Variants in MAPK10 observed in about 807,000 individuals in gnomAD.
MAPK10 encodes JNK3 alpha protein kinase.
A neutral mutation model predicts 59.3 loss-of-function variants in MAPK10; 25 were observed. That is an observed-to-expected ratio of 0.42 (90% CI 0.31 to 0.59). MAPK10 has a LOEUF of 0.59. Among genes scored for constraint, MAPK10 ranks in the 20% least tolerant of loss-of-function variants. The probability of loss-of-function intolerance (pLI) is 0.15; values close to 1 mark genes in which losing one functional copy is unlikely to be tolerated. For synonymous variants in MAPK10, 190 were observed against 200.5 expected, an observed-to-expected ratio of 0.95 and a Z score of 0.44; for missense variants, 351 against 568.9, an observed-to-expected ratio of 0.62 and a Z score of 3.90.
intron 1 of MAPK10, among the ~76,000 whole-genome samples, chr4:86,471,109 A>C (rs555214392): frequency 6.6e-6 from 1 of 152,028 alleles, no homozygotes; most frequent in Non-Finnish European, 1.5e-5. Context: ...TCTCTACTAA[A>C]AACACAAAAA....
intron 3 of MAPK10, among the ~76,000 whole-genome samples, chr4:86,161,739 C>A (rs2069763417): frequency 6.6e-6 from 1 of 152,058 alleles, no homozygotes; most frequent in African/African-American, 2.4e-5. Flanking sequence ...TTACTTATTC[C>A]CTTCACTTTG....
chr4:86,289,028 A>G (rs2095130639), intron 2 of MAPK10, among the ~76,000 whole-genome samples: 1 of 152,228 alleles, frequency 6.6e-6, no homozygotes, highest in Admixed American at 6.6e-5. Context: ...GAAGGCTATC[A>G]AGAAAGATGA....
chr4:86,106,867 A>C (rs1011123634), intron 5 of MAPK10: 1 of 154,140 alleles, frequency 6.5e-6, no homozygotes, highest in African/African-American at 2.4e-5. Flanking sequence ...TAAATTATAA[A>C]GAAATGTAGC....
chr4:86,097,309 C>G (rs1418028583), intron 9 of MAPK10, among the ~76,000 whole-genome samples: 1 of 151,916 alleles, frequency 6.6e-6, no homozygotes, highest in African/African-American at 2.4e-5. Flanking sequence ...TAGAGACTAT[C>G]TCATTAATAT....
chr4:86,443,325 A>G (rs1393866569), intron 1 of MAPK10, among the ~76,000 whole-genome samples: 2 of 152,110 alleles, frequency 1.3e-5, no homozygotes, highest in Non-Finnish European at 2.9e-5. Context: ...TCTACTTAAC[A>G]AGGCCTGCCC....
chr4:86,372,630 A>T (rs1320790029), intron 1 of MAPK10, among the ~76,000 whole-genome samples: 1 of 152,160 alleles, frequency 6.6e-6, no homozygotes, highest in African/African-American at 2.4e-5. Context: ...TCACAACTAC[A>T]TGGAAACTGA....
intron 1 of MAPK10, among the ~76,000 whole-genome samples, chr4:86,522,529 T>C (rs1029925055): frequency 1.3e-5 from 2 of 152,180 alleles, no homozygotes; most frequent in Non-Finnish European, 2.9e-5. Flanking sequence ...TCTATCCCGC[T>C]TCATAACCAG....
chr4:86,031,446 C>T lies in MAPK10; in HGVS notation c.1111-15G>A. The T allele has an allele frequency of 3.2e-6, 5 of 1,585,142 alleles. No individual in the cohort carries two copies. The highest frequency in any genetic ancestry group is 4.3e-6 in the Non-Finnish European group (5 of 1,154,916). On this transcript the variant is annotated splice_polypyrimidine_tract_variant and intron_variant, in intron 11 of 13. Transcript: ENST00000641462. ...TGAGGTGGAGGCTGCCGAATAAAAACAAAAAATAATCTTTGTGTGATAATG... is the reference window on the plus strand; with the variant it reads ...TGAGGTGGAGGCTGCCGAATAAAAATAAAAAATAATCTTTGTGTGATAATG...
chr4:86,083,435 C>A (rs2051096693), intron 9 of MAPK10, among the ~76,000 whole-genome samples: 1 of 152,048 alleles, frequency 6.6e-6, no homozygotes, highest in Non-Finnish European at 1.5e-5. Flanking sequence ...CTTGTTATAG[C>A]AGAAAGTAAA....
chr4:86,236,386 CTAACTG>C, intron 2 of MAPK10, among the ~76,000 whole-genome samples: 1 of 152,208 alleles, frequency 6.6e-6, no homozygotes, highest in Middle Eastern at 3.4e-3. Flanking sequence ...TAGATGTTAG[CTAACTG>C]GACAAGAGAC....
chr4:86,294,938 C>T (rs965329487), intron 2 of MAPK10, among the ~76,000 whole-genome samples: 1 of 152,118 alleles, frequency 6.6e-6, no homozygotes, highest in Non-Finnish European at 1.5e-5. Context: ...TCAAACCAGG[C>T]TAGATAGAGT....
At chr4:86,531,696 G>A (rs934648513) in intron 1 of MAPK10, among the ~76,000 whole-genome samples, 7 of 152,286 alleles carry the variant, frequency 4.6e-5, no homozygotes, top group Non-Finnish European at 7.4e-5. Context: ...ATGGGGACAG[G>A]ATTTGGAGTT....
chr4:86,157,459 C>G (rs1334845767), intron 4 of MAPK10, among the ~76,000 whole-genome samples: 2 of 151,944 alleles, frequency 1.3e-5, no homozygotes, highest in Non-Finnish European at 2.9e-5. Context: ...GTTTGTCTGT[C>G]CATCAGAGAT....
At chr4:86,461,890 G>A (rs138420467) in intron 1 of MAPK10, among the ~76,000 whole-genome samples, 52 of 152,298 alleles carry the variant, frequency 3.4e-4, no homozygotes, top group East Asian at 9.6e-4. Flanking sequence ...CAAGCTAAAC[G>A]AAAGGATGAT....
chr4:86,371,493 G>A (rs954003642), intron 1 of MAPK10, among the ~76,000 whole-genome samples: 1 of 152,152 alleles, frequency 6.6e-6, no homozygotes, highest in Non-Finnish European at 1.5e-5. Flanking sequence ...ACAAATGACC[G>A]CCATGGGTCA....
At chr4:86,401,865 G>A (rs1743771515) in intron 1 of MAPK10, among the ~76,000 whole-genome samples, 1 of 152,066 alleles carries the variant, frequency 6.6e-6, no homozygotes, top group Non-Finnish European at 1.5e-5. Flanking sequence ...TGGTGCTGAA[G>A]GTCCATAACC....
intron 2 of MAPK10, among the ~76,000 whole-genome samples, chr4:86,195,653 T>C (rs1422569946): frequency 2.0e-5 from 3 of 152,202 alleles, no homozygotes; most frequent in Admixed American, 2.0e-4. Context: ...ACATGTGCCA[T>C]GGTGGTTTGC....
chr4:86,517,581 C>T (rs1323107579), intron 1 of MAPK10, among the ~76,000 whole-genome samples: 1 of 152,006 alleles, frequency 6.6e-6, no homozygotes, highest in Non-Finnish European at 1.5e-5. Context: ...GGCCTATTAT[C>T]TTTTTGATAT....
chr4:86,155,451 T>C (rs1363251483), intron 4 of MAPK10, among the ~76,000 whole-genome samples: 3 of 151,828 alleles, frequency 2.0e-5, no homozygotes, highest in African/African-American at 7.3e-5. Context: ...GTATATATAA[T>C]ATATAATAAT....
Sources: allele counts gnomAD v4.1 joint callset (sites outside exome capture counted in the v4.1 genomes callset), GRCh38; gene constraint gnomAD v4.1.1; transcripts MANE v1.5; gene names NCBI Gene and HGNC (gene_info 2026-07-23, HGNC 2026-07-21).